EXTL3: variants seen among roughly 807,000 people sequenced by gnomAD.
EXTL3 encodes exostosin-like 3.
In EXTL3, 27 loss-of-function variants were observed where a neutral mutation model predicts 69.3. The ratio of observed to expected loss-of-function variants is 0.39; its 90% CI spans 0.29 to 0.54. The LOEUF (loss-of-function observed/expected upper bound fraction) is 0.54. Ranked by LOEUF, EXTL3 falls within the 20% of genes least tolerant of loss-of-function variation. The pLI is 0.69. For synonymous variants in EXTL3, 511 were observed against 499.4 expected, an observed-to-expected ratio of 1.02 and a Z score of -0.31; for missense variants, 1,003 against 1,231.8, an observed-to-expected ratio of 0.81 and a Z score of 2.78.
intron 2 of EXTL3, among the ~76,000 whole-genome samples, chr8:28,617,437 TA>T (rs1806343775): frequency 6.6e-6 from 1 of 152,210 alleles, no homozygotes; most frequent in Admixed American, 6.5e-5. Context: ...ATATGTACAA[TA>T]TACACTGTAC....
chr8:28,625,031 C>G lies in EXTL3; in HGVS notation c.-53+2221C>G, dbSNP rs58109084. 5.0e-3 allele frequency among the ~76,000 whole-genome samples: 768 copies of G among 152,338 alleles called. 5 individuals are homozygous for G. Among genetic ancestry groups the G allele is most frequent in the African/African-American group, 0.017 (726 of 41,580 alleles). On this transcript the variant is annotated intron_variant, in intron 1 of 6. Transcript: ENST00000523149. ...ATGCCTGTATGCTTCCAAAAAGGCACAGCTGGCATACTTTTTGCTTCTAAA... is the reference window on the plus strand; with the variant it reads ...ATGCCTGTATGCTTCCAAAAAGGCAGAGCTGGCATACTTTTTGCTTCTAAA...
intron 1 of EXTL3, among the ~76,000 whole-genome samples, chr8:28,671,297 G>A (rs1477659709): frequency 1.7e-5 from 2 of 115,432 alleles, no homozygotes; most frequent in Non-Finnish European, 3.6e-5. Context: ...TTATTTTTAT[G>A]TTTTGTTTTT....
At chr8:28,661,920 G>A (rs1807122520) in intron 1 of EXTL3, among the ~76,000 whole-genome samples, 1 of 150,390 alleles carries the variant, frequency 6.6e-6, no homozygotes, top group Admixed American at 6.7e-5. Flanking sequence ...AAATATAAAT[G>A]TATATATTAC....
chr8:28,608,034 C>T (rs867461571), intron 2 of EXTL3, among the ~76,000 whole-genome samples: 5 of 150,840 alleles, frequency 3.3e-5, no homozygotes, highest in African/African-American at 9.8e-5. Flanking sequence ...GGTGTGAACC[C>T]GGGAGGCAGA....
chr8:28,629,838 C>A (rs1048886051), intron 1 of EXTL3, among the ~76,000 whole-genome samples: 51 of 152,182 alleles, frequency 3.4e-4, no homozygotes, highest in African/African-American at 1.2e-3. Flanking sequence ...CCCAGTGATA[C>A]ATGCAGCAGA....
chr8:28,666,709 G>A (rs889685224), intron 1 of EXTL3, among the ~76,000 whole-genome samples: 1 of 152,132 alleles, frequency 6.6e-6, no homozygotes, highest in African/African-American at 2.4e-5. Flanking sequence ...CCCAGTAGCT[G>A]GGATTACAGG....
intron 5 of EXTL3, chr8:28,741,432 G>T (rs1468818024): frequency 3.3e-5 from 5 of 152,052 alleles, no homozygotes. Context: ...TTTAAAAAGT[G>T]TATTTATTTT....
rs1351076363 is a variant in EXTL3, at chr8:28,750,717, T to A, written c.2611T>A (p.Ser871Thr). ...CCCTCAGGCCCTGTCTCATGATGAC[T>A]CCCACTTCCACGAGCGGCACAAGTG... ...GCPQALSHDDSHFHERHKCIN... is the reference protein window; with the variant it reads ...GCPQALSHDDTHFHERHKCIN... Residue 871 changes from serine to threonine, a missense_variant, in exon 7 of 7, where the codon TCC becomes ACC. Ser to Thr is a moderately conservative substitution (Grantham distance 58). This residue lies in a region of EXTL3 where 261 missense variants were observed against 416.4 expected (regional missense o/e 0.63). Coordinates refer to ENST00000220562, the MANE Select transcript of EXTL3 (RefSeq NM_001440.4). This position sits in a 1 kb window ranked among gnomAD's most constrained non-coding sequence, Gnocchi z 5.2. 1 of 1,614,176 alleles carries A rather than the reference T, an allele frequency of 6.2e-7. No individual in the cohort carries two copies. The highest frequency in any genetic ancestry group is 1.1e-5 in the South Asian group (1 of 91,082).
intron 1 of EXTL3, among the ~76,000 whole-genome samples, chr8:28,679,668 A>T (rs1353808288): frequency 1.3e-5 from 2 of 151,136 alleles, no homozygotes; most frequent in Non-Finnish European, 2.9e-5. Context: ...GGCTGCAGTG[A>T]GCTATGATCA....
rs774545299 is a variant in EXTL3, at chr8:28,717,788, C to T, written c.1729C>T (p.Pro577Ser). Reference sequence around the variant, plus strand: ...TGACAACGGGGACCTGGACCTGGGGCCAGTGGAGACGGAGCCGCCCTACGC... The same window carrying T: ...TGACAACGGGGACCTGGACCTGGGGTCAGTGGAGACGGAGCCGCCCTACGC... ...MADNGDLDLG[P>S]VETEPPYASP... Residue 577 changes from proline to serine, a missense_variant, in exon 3 of 7, where the codon CCA (proline) becomes TCA (serine). This residue lies in a region of EXTL3 where 742 missense variants were observed against 815.4 expected (regional missense o/e 0.91). Transcript: ENST00000220562. This position sits in a 1 kb window ranked among gnomAD's most constrained non-coding sequence, Gnocchi z 8.3. The T allele has an allele frequency of 1.2e-5, 20 of 1,613,436 alleles. No homozygotes were observed. The highest frequency in any genetic ancestry group is 1.7e-5 in the Non-Finnish European group (20 of 1,179,452).
chr8:28,638,012 G>T lies in EXTL3; in HGVS notation c.-53+15202G>T, dbSNP rs553360668. Among the ~76,000 whole-genome samples the T allele has an allele frequency of 3.9e-5, 6 of 152,210 alleles. No homozygotes were observed. In the South Asian group the frequency reaches 8.3e-4, roughly 21 times the overall value. ...CCTGAAAGCATTTGGCTTTCCTGAC[G>T]CACGTGTCTTTGAGAAATTCTCTTC... On this transcript the variant is annotated intron_variant, in intron 1 of 6. Transcript: ENST00000523149.
intron 1 of EXTL3, among the ~76,000 whole-genome samples, chr8:28,652,371 T>G (rs1266018786): frequency 6.6e-6 from 1 of 152,066 alleles, no homozygotes; most frequent in East Asian, 1.9e-4. Flanking sequence ...TAAAAAAAAA[T>G]TATAGCCTGG....
intron 4 of EXTL3, among the ~76,000 whole-genome samples, chr8:28,734,433 C>T (rs543082171): frequency 1.1e-4 from 16 of 152,222 alleles, no homozygotes; most frequent in South Asian, 2.1e-4. Flanking sequence ...CACTGGAGGC[C>T]GGGTGTAGTG....
At chr8:28,685,182 C>G (rs944206761) in intron 1 of EXTL3, among the ~76,000 whole-genome samples, 32 of 152,218 alleles carry the variant, frequency 2.1e-4, no homozygotes, top group African/African-American at 7.0e-4. Flanking sequence ...GAACTCCTGA[C>G]ATCGTGATCC....
rs1057323419 is a variant in EXTL3 at position 28,753,059 on chromosome 8, A to G, written c.*2193A>G. On this transcript the variant is annotated 3_prime_UTR_variant, in exon 7 of 7. Coordinates refer to ENST00000220562, the MANE Select transcript of EXTL3 (RefSeq NM_001440.4). ...AAGGGCTGAGTGGTCTGACACCAAA[A>G]CATGCCGCAGGGAGGGCTGTGGTGC... The G allele has an allele frequency of 3.3e-5, 5 of 152,298 alleles. No individual in the cohort carries two copies. The highest frequency in any genetic ancestry group is 1.2e-4 in the African/African-American group (5 of 41,434). 9.4% of individuals were successfully genotyped at this position (152,298 alleles called of 1,614,324 possible). A position where few individuals can be genotyped will look rare whatever the true frequency, so the allele number is the denominator to read the frequency against.
At chr8:28,705,758 T>C (rs1223447308) in intron 1 of EXTL3, among the ~76,000 whole-genome samples, 1 of 152,230 alleles carries the variant, frequency 6.6e-6, no homozygotes, top group Non-Finnish European at 1.5e-5. Context: ...CTAAGTTGAC[T>C]GTTCTGAGAA....
intron 3 of EXTL3, among the ~76,000 whole-genome samples, chr8:28,726,879 CTTTT>C (rs11458194): frequency 2.0e-5 from 2 of 99,942 alleles, no homozygotes; most frequent in Admixed American, 1.1e-4. Context: ...CTTTTCTTTT[CTTTT>C]TTTTTTTTTT....
chr8:28,680,906 C>G (rs997766057), intron 1 of EXTL3, among the ~76,000 whole-genome samples: 1 of 152,046 alleles, frequency 6.6e-6, no homozygotes, highest in African/African-American at 2.4e-5. Context: ...GAGACAAAGT[C>G]TCACTCTGTC....
chr8:28,735,051 A>T (rs2283102), intron 4 of EXTL3, among the ~76,000 whole-genome samples: 1 of 151,810 alleles, frequency 6.6e-6, no homozygotes, highest in East Asian at 1.9e-4. Flanking sequence ...AACCAAGTCT[A>T]TTGACAGCTG....
Sources: gnomAD v4.1 joint callset for allele counts (sites outside exome capture counted in the v4.1 genomes callset) on GRCh38, gnomAD v4.1.1 for gene constraint, gnomAD v4.1.1 regional missense constraint, Gnocchi (gnomAD v3.1) non-coding constraint, MANE v1.5 for transcripts, NCBI Gene and HGNC (gene_info 2026-07-23, HGNC 2026-07-21) for gene names.